PPP1R9A: variants seen among roughly 807,000 people sequenced by gnomAD.
PPP1R9A encodes protein phosphatase 1 regulatory subunit 9A, also known as neurabin-1.
PPP1R9A carries 59 observed loss-of-function variants against 141.9 expected under a neutral mutation model. That is an observed-to-expected ratio of 0.42 (90% CI 0.34 to 0.52). PPP1R9A has a LOEUF of 0.52. Among genes scored for constraint, PPP1R9A ranks in the 20% least tolerant of loss-of-function variants. The pLI, the probability that PPP1R9A is intolerant of heterozygous loss-of-function variation, is 0.10. For synonymous variants in PPP1R9A, 500 were observed against 569.7 expected, an observed-to-expected ratio of 0.88 and a Z score of 1.74; for missense variants, 1,444 against 1,611.9, an observed-to-expected ratio of 0.90 and a Z score of 1.78.
rs115514671 is a variant in PPP1R9A, at chr7:95,132,476, A to G, written c.1649+11644A>G. 7.2e-3 allele frequency among the ~76,000 whole-genome samples: 1,100 copies of G among 152,252 alleles called. 15 individuals carry two copies. Among genetic ancestry groups the G allele is most frequent in the African/African-American group, 0.025 (1,033 of 41,554 alleles). ...GTTTTTAATTATGTTTATGTGGTGAATCATATTTATTGATTTGTATATGTT... is the reference window on the plus strand; with the variant it reads ...GTTTTTAATTATGTTTATGTGGTGAGTCATATTTATTGATTTGTATATGTT... On this transcript the variant is annotated intron_variant, in intron 4 of 19. Coordinates refer to ENST00000433360, the MANE Select transcript of PPP1R9A (RefSeq NM_001166160.2).
chr7:95,244,927 A>C (rs952897384), intron 8 of PPP1R9A, among the ~76,000 whole-genome samples: 1 of 152,184 alleles, frequency 6.6e-6, no homozygotes, highest in African/African-American at 2.4e-5. Context: ...CAGGCAAGGA[A>C]AGTGAAATGA....
intron 2 of PPP1R9A, among the ~76,000 whole-genome samples, chr7:94,987,463 T>G (rs1800991395): frequency 6.6e-6 from 1 of 152,188 alleles, no homozygotes; most frequent in Non-Finnish European, 1.5e-5. Flanking sequence ...AAAATCAAGA[T>G]GTATTCGTAT....
chr7:94,908,371 T>A (rs1211517343), intron 1 of PPP1R9A: 1 of 152,202 alleles, frequency 6.6e-6, no homozygotes, highest in Non-Finnish European at 1.5e-5. Flanking sequence ...CTTTTCTATT[T>A]TTTTAAATGT....
At chr7:95,273,829 G>C (rs1257087225) in intron 14 of PPP1R9A, 70 bp from the exon 15 acceptor site, 3 of 1,315,660 alleles carry the variant, frequency 2.3e-6, no homozygotes, top group Non-Finnish European at 3.1e-6. Context: ...ATTCAGAGAT[G>C]CATTGACTTT....
At chr7:95,171,418 AAGTC>A (rs1276813415) in intron 5 of PPP1R9A, among the ~76,000 whole-genome samples, 1 of 151,650 alleles carries the variant, frequency 6.6e-6, no homozygotes, top group East Asian at 1.9e-4. Flanking sequence ...TAAATTTTAA[AAGTC>A]AGTTTTGAAA....
chr7:95,209,672 A>G (rs1465589166), intron 7 of PPP1R9A, among the ~76,000 whole-genome samples: 3 of 152,112 alleles, frequency 2.0e-5, no homozygotes, highest in Non-Finnish European at 4.4e-5. Context: ...CACCAATGAC[A>G]TTTGTGTTGG....
At chr7:95,010,257 A>C (rs1458380488) in intron 2 of PPP1R9A, among the ~76,000 whole-genome samples, 1 of 152,068 alleles carries the variant, frequency 6.6e-6, no homozygotes, top group Non-Finnish European at 1.5e-5. Context: ...TAATAAAAAT[A>C]GCTGGGCATG....
intron 2 of PPP1R9A, among the ~76,000 whole-genome samples, chr7:94,959,016 A>T (rs965702611): frequency 6.6e-6 from 1 of 152,024 alleles, no homozygotes; most frequent in Non-Finnish European, 1.5e-5. Context: ...ATTTTCATTT[A>T]TATCCAAACT....
At chr7:95,274,458 G>T (rs1323183231) in intron 16 of PPP1R9A, among the ~76,000 whole-genome samples, 1 of 152,166 alleles carries the variant, frequency 6.6e-6, no homozygotes, top group Non-Finnish European at 1.5e-5. Flanking sequence ...TGATACTTCA[G>T]AAATATCAAA....
chr7:94,976,777 C>T (rs1434594037), intron 2 of PPP1R9A, among the ~76,000 whole-genome samples: 1 of 152,170 alleles, frequency 6.6e-6, no homozygotes, highest in South Asian at 2.1e-4. Context: ...GATCTGGAAT[C>T]TTTTATTTAT....
rs58872136 is a variant in PPP1R9A, at chr7:95,135,854, C to CTTTTTTT, written c.1649+15041_1649+15047dup. The stretch of plus-strand genomic sequence containing the variant: ...TTGAGAGATTAAGCTTTCAGCTTTA[C>CTTTTTTT]TTTTTTTTTTTTTTTTTTTTTTTTT... On this transcript the variant is annotated intron_variant, in intron 4 of 19. Transcript: ENST00000433360. Among the ~76,000 whole-genome samples, 331 of 73,024 alleles carry CTTTTTTT rather than the reference C, an allele frequency of 4.5e-3. 2 individuals carry two copies. The highest frequency in any genetic ancestry group is 9.2e-3 in the African/African-American group (161 of 17,538). 47.9% of individuals were successfully genotyped at this position (73,024 alleles called of 152,430 possible).
intron 2 of PPP1R9A, among the ~76,000 whole-genome samples, chr7:95,068,467 T>A (rs1198397204): frequency 1.5e-5 from 1 of 68,186 alleles, no homozygotes; most frequent in Non-Finnish European, 2.4e-5. Context: ...AAGACTCTTG[T>A]CTCAAGAAAA....
At chr7:95,046,778 A>G (rs892345114) in intron 2 of PPP1R9A, among the ~76,000 whole-genome samples, 3 of 152,152 alleles carry the variant, frequency 2.0e-5, no homozygotes, top group African/African-American at 7.2e-5. Flanking sequence ...GTTATCTTTG[A>G]TTAAATTAGA....
chr7:95,235,767 G>A (rs1796596147), intron 8 of PPP1R9A, among the ~76,000 whole-genome samples: 3 of 152,064 alleles, frequency 2.0e-5, no homozygotes, highest in Admixed American at 2.0e-4. Context: ...ATCAATAAGT[G>A]GATAAAGAAA....
intron 2 of PPP1R9A, among the ~76,000 whole-genome samples, chr7:95,022,737 CAT>C (rs1450532394): frequency 6.6e-6 from 1 of 152,040 alleles, no homozygotes; most frequent in Non-Finnish European, 1.5e-5. Context: ...TTGAGGTAAT[CAT>C]GTGGTTTTTT....
intron 18 of PPP1R9A, chr7:95,287,036 A>G (rs1051171304): frequency 3.4e-6 from 5 of 1,459,702 alleles, no homozygotes; most frequent in Middle Eastern, 1.7e-4. Context: ...TATTAAAATT[A>G]TGTACTATAT....
chr7:95,254,780 A>G (rs1799353436), intron 12 of PPP1R9A, among the ~76,000 whole-genome samples: 1 of 152,218 alleles, frequency 6.6e-6, no homozygotes. Context: ...TGCTCTTCCA[A>G]AATGATGTGA....
chr7:95,280,528 C>T (rs1301901385), intron 16 of PPP1R9A, among the ~76,000 whole-genome samples: 1 of 152,216 alleles, frequency 6.6e-6, no homozygotes, highest in Non-Finnish European at 1.5e-5. Flanking sequence ...AGAGATATTA[C>T]ATAAACCATT....
At position 95,290,636 on chromosome 7, in the gene PPP1R9A, A is replaced by G; in HGVS notation, c.*333A>G. 2 of 271,266 alleles carry G rather than the reference A, an allele frequency of 7.4e-6. No homozygotes were observed. The highest frequency in any genetic ancestry group is 7.2e-6 in the Non-Finnish European group (1 of 139,744). The allele number at this position is 271,266 out of a possible 1,614,324, so 16.8% of individuals were successfully genotyped here. ...GAGAACTAGTGTGACCCCACCCAAG[A>G]GCATGACACACCCTGGTGTTGTTAA... On this transcript the variant is annotated 3_prime_UTR_variant, in exon 20 of 20. Coordinates refer to ENST00000433360, the MANE Select transcript of PPP1R9A (RefSeq NM_001166160.2).
Sources: allele counts gnomAD v4.1 joint callset (sites outside exome capture counted in the v4.1 genomes callset), GRCh38; gene constraint gnomAD v4.1.1; transcripts MANE v1.5; gene names NCBI Gene and HGNC (gene_info 2026-07-23, HGNC 2026-07-21).